The following MED27 variants were observed in gnomAD, a reference collection of about 807,000 sequenced individuals.
MED27 encodes the protein mediator complex subunit 27, also known as mediator of RNA polymerase II transcription subunit 27.
In MED27, 30 loss-of-function variants were observed where a neutral mutation model predicts 38.2. The ratio of observed to expected loss-of-function variants is 0.79; its 90% CI spans 0.59 to 1.07. The LOEUF (loss-of-function observed/expected upper bound fraction) is 1.07, where lower values mean the gene tolerates loss of function less well. MED27 is among the 50% of genes least tolerant of loss of function. The pLI, the probability that MED27 is intolerant of heterozygous loss-of-function variation, is 0.00. For synonymous variants in MED27, 122 were observed against 153.5 expected (o/e 0.79, Z 1.52); for missense variants, 289 against 397.5 (o/e 0.73, Z 2.32).
chr9:131,938,847 G>A (rs540763337), intron 4 of MED27, among the ~76,000 whole-genome samples: 1 of 151,952 alleles, frequency 6.6e-6, no homozygotes, highest in East Asian at 1.9e-4. Context: ...CCCAGCAGCT[G>A]GGACTACAGG....
At chr9:132,032,240 G>C (rs1049835481) in intron 2 of MED27, 1 of 152,128 alleles carries the variant, frequency 6.6e-6, no homozygotes, top group Non-Finnish European at 1.5e-5. Flanking sequence ...AATTAGACAG[G>C]CAAGGCATTT....
chr9:131,908,874 TAA>T lies in MED27; in HGVS notation c.574-14884_574-14883del, dbSNP rs34481836. Among the ~76,000 whole-genome samples, 530 of 137,000 alleles carry T rather than the reference TAA, an allele frequency of 3.9e-3. 1 individual carries two copies. The highest frequency in any genetic ancestry group is 4.1e-3 in the Admixed American group (56 of 13,730). 89.9% of individuals were successfully genotyped at this position (137,000 alleles called of 152,430 possible). ...CGAGAAACACCCAAGAATGATCAAT[TAA>T]AAAAAAAAAAAAAAAGAACTTTAAT... is the stretch of plus-strand genomic sequence containing the variant. On this transcript the variant is annotated intron_variant, in intron 4 of 7. Transcript: ENST00000292035.
At chr9:131,968,878 A>G (rs1831413931) in intron 3 of MED27, among the ~76,000 whole-genome samples, 1 of 152,168 alleles carries the variant, frequency 6.6e-6, no homozygotes, top group Non-Finnish European at 1.5e-5. Context: ...CTGTCAGCTC[A>G]GCAGCCGCCT....
rs570871975 is a variant in MED27, at chr9:131,997,523, T to A, written c.479+16814A>T. ...GAGATCCCCTGGGTTGACCGAGGCG[T>A]TGCCAGCCCTGCACTGTAGGCTGCC... is the stretch of plus-strand genomic sequence containing the variant. On this transcript the variant is annotated intron_variant, in intron 3 of 7. Coordinates refer to ENST00000292035, the MANE Select transcript of MED27 (RefSeq NM_004269.4). This position sits in a 1 kb window ranked among gnomAD's most constrained non-coding sequence, Gnocchi z 4.0. Among the ~76,000 whole-genome samples the A allele has an allele frequency of 6.6e-6, 1 of 152,286 alleles. No individual in the cohort carries two copies. Among genetic ancestry groups the A allele is most frequent in the African/African-American group, 2.4e-5 (1 of 41,560 alleles).
At chr9:132,060,005 CAG>C (rs1009848906) in intron 2 of MED27, among the ~76,000 whole-genome samples, 15 of 152,152 alleles carry the variant, frequency 9.9e-5, no homozygotes, top group Non-Finnish European at 2.9e-5. Context: ...AACTAAGACT[CAG>C]GGGAGGTCAA....
chr9:132,079,500 C>G (rs903234460), intron 1 of MED27, 142 bp downstream of exon 1: 79 of 746,306 alleles, frequency 1.1e-4, no homozygotes, highest in Non-Finnish European at 1.5e-4. Flanking sequence ...GAGGGACAGG[C>G]AGAGGCTTGG....
At chr9:131,998,153 G>T (rs1302763877) in intron 3 of MED27, among the ~76,000 whole-genome samples, 1 of 151,684 alleles carries the variant, frequency 6.6e-6, no homozygotes, top group Non-Finnish European at 1.5e-5. Context: ...AGGTTCACAC[G>T]CAAGTCTCAG....
At chr9:131,938,799 C>T (rs1005194461) in intron 4 of MED27, among the ~76,000 whole-genome samples, 10 of 151,636 alleles carry the variant, frequency 6.6e-5, no homozygotes, top group South Asian at 2.1e-4. Context: ...CTGCAAGCTC[C>T]GCCTCCCAGG....
intron 2 of MED27, among the ~76,000 whole-genome samples, chr9:132,020,152 T>C (rs879149875): frequency 2.0e-5 from 3 of 152,152 alleles, no homozygotes; most frequent in Admixed American, 2.0e-4. Flanking sequence ...CACAGAGCAG[T>C]TGTGCTTCTG....
intron 2 of MED27, among the ~76,000 whole-genome samples, chr9:132,055,182 C>A (rs1833549974): frequency 6.6e-6 from 1 of 152,174 alleles, no homozygotes; most frequent in Admixed American, 6.5e-5. Flanking sequence ...AGCTGGGGCT[C>A]CCCCAGCATT....
intron 4 of MED27, among the ~76,000 whole-genome samples, chr9:131,907,114 A>T (rs889330305): frequency 1.3e-5 from 2 of 152,008 alleles, no homozygotes; most frequent in Non-Finnish European, 2.9e-5. Context: ...TCTTTACCAC[A>T]ACCTGTTTTA....
chr9:132,031,514 G>A (rs1341296389), intron 2 of MED27, among the ~76,000 whole-genome samples: 1 of 152,134 alleles, frequency 6.6e-6, no homozygotes, highest in African/African-American at 2.4e-5. Context: ...AGAGCTAAAA[G>A]AGTTAAGAGA....
intron 2 of MED27, among the ~76,000 whole-genome samples, chr9:132,077,201 A>T (rs1834070882): frequency 6.6e-6 from 1 of 152,244 alleles, no homozygotes. Context: ...CCCAGTCTCC[A>T]GGTTAAATAC....
At chr9:131,933,348 T>C (rs1449660879) in intron 4 of MED27, among the ~76,000 whole-genome samples, 3 of 152,130 alleles carry the variant, frequency 2.0e-5, no homozygotes, top group Non-Finnish European at 4.4e-5. Context: ...TCCGATCTTA[T>C]ATTTGGAAAA....
At chr9:131,984,240 G>A (rs947366194) in intron 3 of MED27, among the ~76,000 whole-genome samples, 11 of 152,048 alleles carry the variant, frequency 7.2e-5, no homozygotes, top group African/African-American at 1.7e-4. Flanking sequence ...CACTTTCCCC[G>A]ATAGCACTAA....
chr9:132,046,495 T>C (rs1833341366), intron 2 of MED27, among the ~76,000 whole-genome samples: 1 of 152,144 alleles, frequency 6.6e-6, no homozygotes, highest in Admixed American at 6.5e-5. Flanking sequence ...CTCTCCACCC[T>C]GACTTTCCAC....
chr9:132,023,209 C>G (rs1225895829), intron 2 of MED27, among the ~76,000 whole-genome samples: 1 of 151,388 alleles, frequency 6.6e-6, no homozygotes, highest in Non-Finnish European at 1.5e-5. Flanking sequence ...TTTTTCCCCC[C>G]CAAAAGAAAA....
At chr9:132,009,543 C>G (rs1832436081) in intron 3 of MED27, among the ~76,000 whole-genome samples, 1 of 152,178 alleles carries the variant, frequency 6.6e-6, no homozygotes, top group Non-Finnish European at 1.5e-5. Flanking sequence ...GCGGAGAGGC[C>G]TAGGTGGAGA....
chr9:132,044,112 G>A (rs1182735446), intron 2 of MED27, among the ~76,000 whole-genome samples: 5 of 152,154 alleles, frequency 3.3e-5, no homozygotes, highest in Admixed American at 2.0e-4. Flanking sequence ...AAGTCACAGA[G>A]GGACAAAGGG....
Sources: gnomAD v4.1 joint callset for allele counts (sites outside exome capture counted in the v4.1 genomes callset) on GRCh38, gnomAD v4.1.1 for gene constraint, Gnocchi (gnomAD v3.1) non-coding constraint, MANE v1.5 for transcripts, NCBI Gene and HGNC (gene_info 2026-07-23, HGNC 2026-07-21) for gene names.